PJA2: variants seen among roughly 807,000 people sequenced by gnomAD.
The protein encoded by PJA2 is E3 ubiquitin-protein ligase Praja-2.
Under a neutral mutation model 69.3 loss-of-function variants are expected in PJA2, and 25 were observed. The observed-to-expected ratio is 0.36, with a 90% CI of 0.26 to 0.50. PJA2 has a LOEUF of 0.50. Among genes scored for constraint, PJA2 ranks in the 20% least tolerant of loss-of-function variants. The pLI, the probability that PJA2 is intolerant of heterozygous loss-of-function variation, is 0.96. For synonymous variants in PJA2, 308 were observed against 277.8 expected (o/e 1.11, Z -1.08); for missense variants, 809 against 830.2 (o/e 0.97, Z 0.31).
At chr5:109,338,128 G>A (rs1196389513) in intron 9 of PJA2, among the ~76,000 whole-genome samples, 2 of 152,090 alleles carry the variant, frequency 1.3e-5, no homozygotes, top group Non-Finnish European at 2.9e-5. Context: ...TTTTCCCAAA[G>A]AGAACTCCCT....
In PJA2 at chr5:109,409,237, T is replaced by C. The variant is rs1238903638; in HGVS notation, c.-88+605A>G. The C allele has an allele frequency of 2.0e-5, 3 of 152,262 alleles. No homozygotes were observed. In the East Asian group the frequency reaches 5.8e-4, roughly 29 times the overall value. 9.4% of individuals were successfully genotyped at this position (152,262 alleles called of 1,614,324 possible). On this transcript the variant is annotated intron_variant, in intron 1 of 9. Coordinates refer to ENST00000361189, the MANE Select transcript of PJA2 (RefSeq NM_014819.5). ...GAGAGCAGCCCTGGCGGAAAGGTGC[T>C]GATCCCGGGAGTAGAGCGACTGCTG...
At chr5:109,406,102 G>T (rs1747685978) in intron 1 of PJA2, among the ~76,000 whole-genome samples, 1 of 148,882 alleles carries the variant, frequency 6.7e-6, no homozygotes, top group Non-Finnish European at 1.5e-5. Context: ...GGAGTGCAGT[G>T]GCACGATCTT....
intron 1 of PJA2, among the ~76,000 whole-genome samples, chr5:109,399,031 G>A (rs1278499032): frequency 6.6e-6 from 1 of 152,028 alleles, no homozygotes; most frequent in Non-Finnish European, 1.5e-5. Flanking sequence ...GGCCAACATG[G>A]TGAAACCCCA....
At chr5:109,375,164 C>G (rs1332347392) in intron 4 of PJA2, among the ~76,000 whole-genome samples, 1 of 152,174 alleles carries the variant, frequency 6.6e-6, no homozygotes, top group Non-Finnish European at 1.5e-5. Flanking sequence ...TACTTTTCTA[C>G]TTAAAAAGAA....
At chr5:109,381,103 G>C (rs894728221) in intron 3 of PJA2, among the ~76,000 whole-genome samples, 5 of 147,938 alleles carry the variant, frequency 3.4e-5, no homozygotes, top group Non-Finnish European at 5.9e-5. Flanking sequence ...AACAGAACGT[G>C]ACTCCATCTC....
intron 1 of PJA2, among the ~76,000 whole-genome samples, chr5:109,388,199 A>T (rs1472785863): frequency 6.6e-6 from 1 of 151,842 alleles, no homozygotes; most frequent in African/African-American, 2.4e-5. Context: ...ATATCACTCA[A>T]GTAGACCCAC....
At chr5:109,385,189 A>G (rs748138946) in intron 1 of PJA2, among the ~76,000 whole-genome samples, 10 of 152,210 alleles carry the variant, frequency 6.6e-5, no homozygotes, top group Non-Finnish European at 1.3e-4. Context: ...CTTCTGTTTT[A>G]AGAAGAATGC....
intron 1 of PJA2, among the ~76,000 whole-genome samples, chr5:109,386,234 A>G (rs1747153404): frequency 6.6e-6 from 1 of 152,222 alleles, no homozygotes; most frequent in African/African-American, 2.4e-5. Flanking sequence ...AGAAAAGAAA[A>G]ATACTGAAGT....
chr5:109,365,047 C>T (rs954944570), intron 5 of PJA2, among the ~76,000 whole-genome samples: 4 of 152,172 alleles, frequency 2.6e-5, no homozygotes, highest in African/African-American at 4.8e-5. Context: ...AAGAAAGTGA[C>T]TAATTTAAGT....
intron 6 of PJA2, among the ~76,000 whole-genome samples, chr5:109,361,974 T>C (rs1762513015): frequency 6.6e-6 from 1 of 152,210 alleles, no homozygotes; most frequent in Non-Finnish European, 1.5e-5. Flanking sequence ...TTAAAACATA[T>C]GTTCTGGAAA....
At chr5:109,407,009 A>G (rs188640338) in intron 1 of PJA2, among the ~76,000 whole-genome samples, 14 of 152,340 alleles carry the variant, frequency 9.2e-5, no homozygotes, top group South Asian at 6.2e-4. Context: ...GAAAAAGATG[A>G]TAAGTGCTTT....
chr5:109,346,484 GA>G (rs1048197451), intron 7 of PJA2, among the ~76,000 whole-genome samples: 1 of 152,210 alleles, frequency 6.6e-6, no homozygotes, highest in African/African-American at 2.4e-5. Flanking sequence ...TTATTCACAA[GA>G]GCCAAAAGGT....
chr5:109,342,334 TCGGCCCCCCGCCCGGCCAGCCGCCCCG>T (rs1762084073), intron 9 of PJA2, among the ~76,000 whole-genome samples: 1 of 101,250 alleles, frequency 9.9e-6, no homozygotes, highest in African/African-American at 3.9e-5. Context: ...GGTGGGGGGA[TCGGCCCCCCGCCCGGCCAGCCGCCCCG>T]TCCGGGAGGG....
At chr5:109,385,850 T>C (rs1245105434) in intron 1 of PJA2, among the ~76,000 whole-genome samples, 3 of 152,216 alleles carry the variant, frequency 2.0e-5, no homozygotes, top group Non-Finnish European at 4.4e-5. Flanking sequence ...ATCGTGGGGA[T>C]GACATCCAAG....
chr5:109,339,079 G>A (rs1011658537), intron 9 of PJA2, among the ~76,000 whole-genome samples: 3 of 151,528 alleles, frequency 2.0e-5, no homozygotes, highest in African/African-American at 7.3e-5. Flanking sequence ...ATAGAAACAT[G>A]AGCAAGTGTA....
chr5:109,364,307 T>C (rs1294648919), intron 5 of PJA2, among the ~76,000 whole-genome samples: 1 of 151,968 alleles, frequency 6.6e-6, no homozygotes, highest in Non-Finnish European at 1.5e-5. Flanking sequence ...AGTACGAGAA[T>C]AGTCATGAGG....
At chr5:109,396,131 T>A (rs1234490667) in intron 1 of PJA2, among the ~76,000 whole-genome samples, 1 of 151,936 alleles carries the variant, frequency 6.6e-6, no homozygotes, top group African/African-American at 2.4e-5. Context: ...TACAGCAATA[T>A]ATTTGAAAAC....
chr5:109,409,305 C>G (rs994879679), intron 1 of PJA2: 2 of 152,252 alleles, frequency 1.3e-5, no homozygotes, highest in African/African-American at 4.8e-5. Flanking sequence ...CACTGACAAT[C>G]GGGGAAAATG....
At chr5:109,382,344 GA>G (rs1332066609) in intron 2 of PJA2, among the ~76,000 whole-genome samples, 1 of 152,170 alleles carries the variant, frequency 6.6e-6, no homozygotes, top group African/African-American at 2.4e-5. Flanking sequence ...GTTATGGTAA[GA>G]AAAGCCATCA....
Sources: allele counts gnomAD v4.1 joint callset (sites outside exome capture counted in the v4.1 genomes callset), GRCh38; gene constraint gnomAD v4.1.1; transcripts MANE v1.5; gene names NCBI Gene and HGNC (gene_info 2026-07-23, HGNC 2026-07-21).